Variants in SETD5 observed in about 807,000 individuals in gnomAD.
SETD5 encodes the protein histone-lysine N-methyltransferase SETD5.
Under a neutral mutation model 153.3 loss-of-function variants are expected in SETD5, and 44 were observed. That is an observed-to-expected ratio of 0.29 (90% CI 0.23 to 0.37). The LOEUF (loss-of-function observed/expected upper bound fraction) is 0.37, where lower values mean the gene tolerates loss of function less well. SETD5 is among the 10% of genes least tolerant of loss of function. The pLI is 1.00. For synonymous variants in SETD5, 716 were observed against 645.2 expected, an observed-to-expected ratio of 1.11 and a Z score of -1.66; for missense variants, 1,544 against 1,768.0, an observed-to-expected ratio of 0.87 and a Z score of 2.27.
At chr3:9,459,627 A>AAC (rs1285319807) in intron 17 of SETD5, among the ~76,000 whole-genome samples, 1 of 144,904 alleles carries the variant, frequency 6.9e-6, no homozygotes, top group Admixed American at 7.0e-5. Flanking sequence ...CAACAACAAC[A>AAC]AAAAAAAAAA....
At chr3:9,471,331 C>A (rs933947643) in intron 19 of SETD5, among the ~76,000 whole-genome samples, 1 of 152,282 alleles carries the variant, frequency 6.6e-6, no homozygotes, top group Non-Finnish European at 1.5e-5. Flanking sequence ...CCCGTGGTCA[C>A]ACAGCTAGTA....
chr3:9,434,788 TG>T lies in SETD5; in HGVS notation c.330-34del. ...TGTGCTATGATGTGATGCATGCTGTTGGAAGGACTACTTTAAGTTTATTTTC... is the reference window on the plus strand; with the variant it reads ...TGTGCTATGATGTGATGCATGCTGTTGAAGGACTACTTTAAGTTTATTTTC... On this transcript the variant is annotated intron_variant, in intron 5 of 22. Transcript: ENST00000402198. The surrounding 1 kb of genome is among the most constrained non-coding windows in gnomAD (Gnocchi z 5.6). 2 of 1,599,244 alleles carry T rather than the reference TG, an allele frequency of 1.3e-6. No homozygotes were observed. The highest frequency in any genetic ancestry group is 2.3e-5 in the South Asian group (2 of 88,024).
intron 17 of SETD5, among the ~76,000 whole-genome samples, chr3:9,458,354 A>C (rs1335341059): frequency 2.0e-5 from 3 of 152,176 alleles, no homozygotes; most frequent in Non-Finnish European, 4.4e-5. Context: ...GGTGACTCTC[A>C]CCTGCAATTT....
At chr3:9,409,914 C>G (rs2036289427) in intron 1 of SETD5, among the ~76,000 whole-genome samples, 1 of 152,184 alleles carries the variant, frequency 6.6e-6, no homozygotes, top group Non-Finnish European at 1.5e-5. Context: ...CCACAATACA[C>G]ACACTACAGT....
At chr3:9,466,054 T>C (rs1464360842) in intron 18 of SETD5, among the ~76,000 whole-genome samples, 1 of 152,056 alleles carries the variant, frequency 6.6e-6, no homozygotes, top group African/African-American at 2.4e-5. Context: ...TTTGGGAGGC[T>C]GAGGCAGGCG....
chr3:9,456,216 C>G lies in SETD5; in HGVS notation c.2476+2348C>G, dbSNP rs570615523. ...GAGGCTAGGCGTTGGTGGCTCACAC[C>G]TGTAATCCCAGCACTTTGGGAGGCC... On this transcript the variant is annotated intron_variant, in intron 17 of 22. Coordinates refer to ENST00000402198, the MANE Select transcript of SETD5 (RefSeq NM_001080517.3). 2.4e-4 allele frequency among the ~76,000 whole-genome samples: 36 copies of G among 152,182 alleles called. 1 individual carries two copies. Among genetic ancestry groups the G allele is most frequent in the Admixed American group, 7.2e-4 (11 of 15,278 alleles).
chr3:9,454,048 G>A (rs1575509807), intron 17 of SETD5, 180 bp downstream of exon 17: 5 of 547,966 alleles, frequency 9.1e-6, no homozygotes, highest in East Asian at 3.7e-5. Context: ...TTCCCAGGAC[G>A]ACAAAGAAGG....
chr3:9,425,266 G>C (rs1222325400), intron 2 of SETD5, among the ~76,000 whole-genome samples: 1 of 151,798 alleles, frequency 6.6e-6, no homozygotes, highest in Non-Finnish European at 1.5e-5. Flanking sequence ...GTTTCACCGT[G>C]TTAGCCAGGC....
rs1359020728 is a variant in SETD5 at position 9,475,501 on chromosome 3, C to G, written c.3739C>G (p.Pro1247Ala). 6.2e-7 allele frequency: 1 copy of G among 1,613,138 alleles called. No homozygotes were observed. The highest frequency in any genetic ancestry group is 2.2e-5 in the East Asian group (1 of 44,880). The change falls in exon 23 of 23, where the codon CCT becomes GCT. Residue 1247 changes from proline to alanine, a missense_variant. Physicochemically the swap from Pro to Ala is conservative, Grantham distance 27. Transcript: ENST00000402198. ...TGTCTAGCTCCTGCAGTGTGATAGT[C>G]CTCGGACAGAATCACAAAGCCTCCT... ...YSYQLLQCDS[P>A]RTESQSLLQQ...
Position 9,447,227 on chromosome 3 carries a change from A to T in SETD5, c.1702A>T (p.Ser568Cys). The T allele has an allele frequency of 6.2e-7, 1 of 1,614,050 alleles. No individual in the cohort carries two copies. Among genetic ancestry groups the T allele is most frequent in the Non-Finnish European group, 8.5e-7 (1 of 1,179,896 alleles). The change falls in exon 14 of 23, where the codon AGC (serine) becomes TGC (cysteine). Residue 568 changes from serine (S) to cysteine (C), a missense_variant. Ser to Cys is a moderately radical substitution (Grantham distance 112, BLOSUM62 -1). Coordinates refer to ENST00000402198, the MANE Select transcript of SETD5 (RefSeq NM_001080517.3). ...AACTGAAGCCCCTGAATCTGAAGTTAGCAACTCTGTTTCAAATGTTACCAT... is the reference window on the plus strand; with the variant it reads ...AACTGAAGCCCCTGAATCTGAAGTTTGCAACTCTGTTTCAAATGTTACCAT... ...TKTEAPESEV[S>C]NSVSNVTIPS...
chr3:9,444,553 T>A lies in SETD5; in HGVS notation c.1188-495T>A, dbSNP rs540689743. Among the ~76,000 whole-genome samples the A allele has an allele frequency of 5.3e-5, 8 of 151,892 alleles. No homozygotes were observed. In the South Asian group the frequency reaches 1.7e-3, roughly 32 times the overall value. On this transcript the variant is annotated intron_variant, in intron 11 of 22. Coordinates refer to ENST00000402198, the MANE Select transcript of SETD5 (RefSeq NM_001080517.3). ...GAGGGCTTTCTTTTTTTTTTCCCACTGACCATGGAGTAGAATTGGGGTTAC... is the reference window on the plus strand; with the variant it reads ...GAGGGCTTTCTTTTTTTTTTCCCACAGACCATGGAGTAGAATTGGGGTTAC...
chr3:9,475,354 C>T lies in SETD5; in HGVS notation c.3721-129C>T, dbSNP rs1017293591. On this transcript the variant is annotated intron_variant, in intron 22 of 22. Coordinates refer to ENST00000402198, the MANE Select transcript of SETD5 (RefSeq NM_001080517.3). ...GTGATCAAAGACAGACATTTTACTG[C>T]CTTTGGTTTCCTAAAAAGAATACAT... 7 of 1,331,782 alleles carry T rather than the reference C, an allele frequency of 5.3e-6. No homozygotes were observed. In the African/African-American group the frequency reaches 1.0e-4, roughly 20 times the overall value. 82.5% of individuals were successfully genotyped at this position (1,331,782 alleles called of 1,614,324 possible). A position where few individuals can be genotyped will look rare whatever the true frequency, so the allele number is the denominator to read the frequency against.
In SETD5 at chr3:9,437,480, G is replaced by A. The variant is rs749945939; in HGVS notation, c.567+1574G>A. 9.9e-5 allele frequency among the ~76,000 whole-genome samples: 15 copies of A among 150,866 alleles called. No homozygotes were observed. The East Asian group carries it at 2.9e-3, about 29-fold the overall frequency. ...GGTGCTGGTTGATTAAAAATAGCTT[G>A]CCAAAAGGAGATTTGATTATGCTGT... is the stretch of plus-strand genomic sequence containing the variant. On this transcript the variant is annotated intron_variant, in intron 7 of 22. Transcript: ENST00000402198.
Position 9,462,905 on chromosome 3 carries a change from G to T in SETD5, c.2477-1520G>T, listed in dbSNP as rs139872054. Among the ~76,000 whole-genome samples the T allele has an allele frequency of 6.8e-4, 102 of 150,884 alleles. 2 individuals carry two copies. In the East Asian group the frequency reaches 0.017, roughly 25 times the overall value. On this transcript the variant is annotated intron_variant, in intron 17 of 22. Coordinates refer to ENST00000402198, the MANE Select transcript of SETD5 (RefSeq NM_001080517.3). ...CAATAAAGCACATGGCATAGTCTGT[G>T]GTATATAATCATCATTTAGAAAATA...
chr3:9,475,266 C>T, intron 22 of SETD5, 110 bp downstream of exon 22: 1 of 1,215,872 alleles, frequency 8.2e-7, no homozygotes, highest in African/African-American at 1.5e-5. Context: ...GTTTCAGCAG[C>T]CTTGGAAATA....
At chr3:9,467,383 G>A (rs184962559) in intron 18 of SETD5, among the ~76,000 whole-genome samples, 1 of 152,080 alleles carries the variant, frequency 6.6e-6, no homozygotes, top group East Asian at 1.9e-4. Context: ...AGAAAGAAGA[G>A]TGGAAGCAAC....
At chr3:9,457,030 GAAGA>G (rs148802032) in intron 17 of SETD5, among the ~76,000 whole-genome samples, 1 of 151,774 alleles carries the variant, frequency 6.6e-6, no homozygotes, top group East Asian at 1.9e-4. Context: ...GAAAAGAAAA[GAAGA>G]AAGAAATACA....
At chr3:9,417,736 C>T (rs2037717206) in intron 1 of SETD5, among the ~76,000 whole-genome samples, 2 of 151,640 alleles carry the variant, frequency 1.3e-5, no homozygotes, top group Admixed American at 1.3e-4. Context: ...CCGCCCGCCT[C>T]GGCCTCCCAA....
intron 1 of SETD5, among the ~76,000 whole-genome samples, chr3:9,410,971 C>T (rs1194268418): frequency 1.3e-5 from 2 of 151,872 alleles, no homozygotes; most frequent in African/African-American, 4.8e-5. Context: ...TCACTGCAAC[C>T]TAGGCGTCCC....
Sources: allele counts gnomAD v4.1 joint callset (sites outside exome capture counted in the v4.1 genomes callset), GRCh38; gene constraint gnomAD v4.1.1; non-coding constraint Gnocchi (gnomAD v3.1); transcripts MANE v1.5; gene names NCBI Gene and HGNC (gene_info 2026-07-23, HGNC 2026-07-21).